SPRR2G: variants seen among roughly 807,000 people sequenced by gnomAD.
The protein encoded by SPRR2G is small proline rich protein 2G, also known as small proline-rich protein 2G.
A neutral mutation model predicts 0.7 loss-of-function variants in SPRR2G; 1 was observed. The ratio of observed to expected loss-of-function variants is 1.49; its 90% confidence interval spans 0.53 to 7.06. The LOEUF (loss-of-function observed/expected upper bound fraction) is 7.06. Among genes scored for constraint, SPRR2G ranks in the 30% most tolerant of loss-of-function variants. The pLI, the probability that SPRR2G is intolerant of heterozygous loss-of-function variation, is 0.14. For missense variants in SPRR2G, 96 were observed against 88.5 expected, an observed-to-expected ratio of 1.09 and a Z score of -0.34; for synonymous variants, 38 against 33.9, an observed-to-expected ratio of 1.12 and a Z score of -0.42.
chr1:153,150,225 A>G, intron 1 of SPRR2G, 94 bp from the exon 2 acceptor site: 1 of 1,526,444 alleles, frequency 6.6e-7, no homozygotes, highest in Non-Finnish European at 8.8e-7. Context: ...TCTAGGGACC[A>G]ACTTTGATCC....
At chr1:153,200,919 G>A in the SPRR2G span, among the ~76,000 whole-genome samples, 1 of 152,242 alleles carries the variant, frequency 6.6e-6, no homozygotes, top group Admixed American at 6.5e-5. Flanking sequence ...TGTTGGCCAG[G>A]CTGGTCTCAA....
At chr1:153,164,428 A>T in the SPRR2G span, among the ~76,000 whole-genome samples, 1 of 152,192 alleles carries the variant, frequency 6.6e-6, no homozygotes, top group Non-Finnish European at 1.5e-5. Context: ...GGGTGGTCAG[A>T]AGCTCAAAAG....
chr1:153,181,480 T>C, the SPRR2G span, among the ~76,000 whole-genome samples: 1 of 152,296 alleles, frequency 6.6e-6, no homozygotes, highest in South Asian at 2.1e-4. Context: ...GTCAGCTCAC[T>C]CTAATATCAG....
chr1:153,191,150 C>T, the SPRR2G span: 10 of 152,256 alleles, frequency 6.6e-5, no homozygotes, highest in African/African-American at 2.4e-4. Flanking sequence ...GCCTCCAGAC[C>T]CACCTCTACA....
chr1:153,161,629 G>A, the SPRR2G span, among the ~76,000 whole-genome samples: 1 of 152,038 alleles, frequency 6.6e-6, no homozygotes, highest in African/African-American at 2.4e-5. Context: ...TTTCATGTAA[G>A]TTTCATCTAT....
At chr1:153,180,125 A>G in the SPRR2G span, among the ~76,000 whole-genome samples, 1 of 152,166 alleles carries the variant, frequency 6.6e-6, no homozygotes, top group Non-Finnish European at 1.5e-5. Flanking sequence ...AAATTAATAA[A>G]AGCTCACCAA....
the SPRR2G span, among the ~76,000 whole-genome samples, chr1:153,170,939 G>C: frequency 2.6e-5 from 4 of 152,260 alleles, no homozygotes; most frequent in South Asian, 8.3e-4. Flanking sequence ...GGTATCATGG[G>C]CAACTGACAC....
chr1:153,196,618 A>C, the SPRR2G span, among the ~76,000 whole-genome samples: 1 of 152,134 alleles, frequency 6.6e-6, no homozygotes, highest in Non-Finnish European at 1.5e-5. Context: ...AAATATGAAG[A>C]CCTTGTAAAG....
chr1:153,155,000 A>T (rs1007665575), upstream of SPRR2G, among the ~76,000 whole-genome samples: 3 of 152,074 alleles, frequency 2.0e-5, no homozygotes. Flanking sequence ...TTTTCATAAT[A>T]TCCACTTAAT....
At chr1:153,175,245 C>A in the SPRR2G span, among the ~76,000 whole-genome samples, 1 of 152,216 alleles carries the variant, frequency 6.6e-6, no homozygotes, top group Non-Finnish European at 1.5e-5. Context: ...AAGCTAAACA[C>A]CACTCTGCCA....
At chr1:153,166,575 A>T in the SPRR2G span, among the ~76,000 whole-genome samples, 5 of 152,154 alleles carry the variant, frequency 3.3e-5, no homozygotes, top group Non-Finnish European at 7.3e-5. Flanking sequence ...GCACCCTCAA[A>T]TAAGCAGAAT....
chr1:153,155,903 A>G, the SPRR2G span, among the ~76,000 whole-genome samples: 3 of 152,192 alleles, frequency 2.0e-5, no homozygotes, highest in African/African-American at 7.2e-5. Context: ...ACCCTACCTA[A>G]GAGTCCCATA....
At chr1:153,164,945 C>T in the SPRR2G span, among the ~76,000 whole-genome samples, 1 of 152,202 alleles carries the variant, frequency 6.6e-6, no homozygotes, top group East Asian at 1.9e-4. Flanking sequence ...TCTCCCTACA[C>T]ACTTCTCACC....
chr1:153,164,999 C>T, the SPRR2G span, among the ~76,000 whole-genome samples: 7 of 152,132 alleles, frequency 4.6e-5, no homozygotes, highest in Non-Finnish European at 8.8e-5. Flanking sequence ...TGTTTCCATC[C>T]ATCAAGTTGA....
the SPRR2G span, among the ~76,000 whole-genome samples, chr1:153,168,904 A>ATGTGTGTGTGTGTGTGTGTG: frequency 7.9e-3 from 1,170 of 148,126 alleles, 12 homozygotes; most frequent in South Asian, 0.022. Context: ...TCATGAGTGT[A>ATGTGTGTGTGTGTGTGTGTG]TGTGTGTGTG....
At chr1:153,179,486 C>T in the SPRR2G span, among the ~76,000 whole-genome samples, 1 of 152,062 alleles carries the variant, frequency 6.6e-6, no homozygotes, top group African/African-American at 2.4e-5. Flanking sequence ...AACAATGTCA[C>T]GCCTATCATT....
At chr1:153,168,352 A>T in the SPRR2G span, among the ~76,000 whole-genome samples, 1 of 152,208 alleles carries the variant, frequency 6.6e-6, no homozygotes, top group African/African-American at 2.4e-5. Flanking sequence ...CATCACATAG[A>T]AGTATATCAG....
the SPRR2G span, among the ~76,000 whole-genome samples, chr1:153,201,305 T>C: frequency 6.6e-6 from 1 of 152,214 alleles, no homozygotes; most frequent in Non-Finnish European, 1.5e-5. Context: ...TGGGCAAACG[T>C]CCTACTGAAA....
the SPRR2G span, among the ~76,000 whole-genome samples, chr1:153,180,121 A>G: frequency 6.6e-6 from 1 of 152,296 alleles, no homozygotes; most frequent in Non-Finnish European, 1.5e-5. Flanking sequence ...GTATAAATTA[A>G]TAAAAGCTCA....
Sources: allele counts gnomAD v4.1 joint callset (sites outside exome capture counted in the v4.1 genomes callset), GRCh38; gene constraint gnomAD v4.1.1; transcripts MANE v1.5; gene names NCBI Gene and HGNC (gene_info 2026-07-23, HGNC 2026-07-21).